NTM: variants seen among roughly 807,000 people sequenced by gnomAD.
The protein encoded by NTM is IgLON family member 2.
A neutral mutation model predicts 42.1 loss-of-function variants in NTM; 13 were observed. The observed-to-expected ratio is 0.31, with a 90% confidence interval of 0.20 to 0.49. The LOEUF is 0.49. Ranked by LOEUF, NTM falls within the 20% of genes least tolerant of loss-of-function variation. The pLI is 0.99. For synonymous variants in NTM, 187 were observed against 179.2 expected (o/e 1.04, Z -0.35); for missense variants, 373 against 452.8 (o/e 0.82, Z 1.60).
chr11:131,576,307 G>A lies in NTM; in HGVS notation c.82+205419G>A, dbSNP rs186667791. Among the ~76,000 whole-genome samples, 3 of 152,264 alleles carry A rather than the reference G, an allele frequency of 2.0e-5. No individual in the cohort carries two copies. The East Asian group carries it at 5.8e-4, about 29-fold the overall frequency. ...GAAACAGCAGGATGTGGATATTTGA[G>A]GGCTCTTCTTTCAAAAGAACCAGGA... On this transcript the variant is annotated intron_variant, in intron 1 of 8. Coordinates refer to ENST00000683400, the MANE Select transcript of NTM (RefSeq NM_001352005.2).
chr11:132,289,733 T>C (rs913903752), intron 4 of NTM, among the ~76,000 whole-genome samples: 2 of 152,020 alleles, frequency 1.3e-5, no homozygotes, highest in Admixed American at 1.3e-4. Context: ...TTTTTTAGAG[T>C]TTTAGATGTC....
In NTM at chr11:131,619,294, TA is replaced by T. The variant is rs537637333; in HGVS notation, c.82+248407del. Among the ~76,000 whole-genome samples the T allele has an allele frequency of 4.4e-3, 671 of 152,220 alleles. 4 individuals are homozygous for T. The highest frequency in any genetic ancestry group is 0.01 in the Middle Eastern group (3 of 294). On this transcript the variant is annotated intron_variant, in intron 1 of 8. Transcript: ENST00000683400. ...CCTTTCTCCTTGCACCATAAAATAA[TA>T]GGGGGAGGCAGCCAAGACTTGCCAG...
In NTM at chr11:132,335,181, C is replaced by A; in HGVS notation, c.*35C>A. The A allele has an allele frequency of 1.9e-6, 3 of 1,607,948 alleles. No individual in the cohort carries two copies. Among genetic ancestry groups the A allele is most frequent in the Non-Finnish European group, 1.7e-6 (2 of 1,178,820 alleles). ...CACTTCCCCACCCGGGAAAGGCTGC[C>A]GCCACCACCACCACCAACACAACAG... On this transcript the variant is annotated 3_prime_UTR_variant, in exon 9 of 9. Transcript: ENST00000683400.
intron 1 of NTM, among the ~76,000 whole-genome samples, chr11:131,883,124 T>C (rs912982642): frequency 1.3e-5 from 2 of 152,232 alleles, no homozygotes; most frequent in African/African-American, 4.8e-5. Context: ...ACCGTCCCCA[T>C]GAATGAGAAA....
chr11:132,226,161 G>A (rs550290121), intron 4 of NTM, among the ~76,000 whole-genome samples: 2 of 152,242 alleles, frequency 1.3e-5, no homozygotes, highest in African/African-American at 2.4e-5. Flanking sequence ...GAACAGTTCC[G>A]TAATAAACAT....
At chr11:131,930,721 A>G (rs1446484236) in intron 2 of NTM, among the ~76,000 whole-genome samples, 1 of 152,168 alleles carries the variant, frequency 6.6e-6, no homozygotes, top group Non-Finnish European at 1.5e-5. Flanking sequence ...CTTTTACCAA[A>G]TATATAATTA....
At chr11:131,930,699 C>G (rs934305131) in intron 2 of NTM, among the ~76,000 whole-genome samples, 22 of 152,160 alleles carry the variant, frequency 1.4e-4, no homozygotes, top group African/African-American at 5.3e-4. Context: ...TTATTTCCTC[C>G]TTTCCTTTAG....
In NTM at chr11:131,509,731, A is replaced by T. The variant is rs943396757; in HGVS notation, c.82+138843A>T. Among the ~76,000 whole-genome samples the T allele has an allele frequency of 2.0e-5, 3 of 152,348 alleles. No individual in the cohort carries two copies. The East Asian group carries it at 5.8e-4, about 29-fold the overall frequency. ...AGTGTCTTAGTCCATCCTTCCATTA[A>T]TCATGAGAGGAGGTTGGGATTCTAA... is the stretch of plus-strand genomic sequence containing the variant. On this transcript the variant is annotated intron_variant, in intron 1 of 8. Transcript: ENST00000683400.
rs147396182 is a variant in NTM, at chr11:131,961,294, C to T, written c.167+49646C>T. Among the ~76,000 whole-genome samples, 20 of 152,228 alleles carry T rather than the reference C, an allele frequency of 1.3e-4. No individual in the cohort carries two copies. The East Asian group carries it at 3.5e-3, about 26-fold the overall frequency. On this transcript the variant is annotated intron_variant, in intron 2 of 8. Coordinates refer to ENST00000683400, the MANE Select transcript of NTM (RefSeq NM_001352005.2). ...ATCCCTTTCTTGGATCAGCCACTTT[C>T]GGGGGCCAAAGCACCCTATTAAGGT... is the stretch of plus-strand genomic sequence containing the variant.
At position 131,597,547 on chromosome 11, in the gene NTM, C is replaced by T. The variant is rs545019429; in HGVS notation, c.82+226659C>T. 3.9e-5 allele frequency among the ~76,000 whole-genome samples: 6 copies of T among 152,288 alleles called. No homozygotes were observed. The East Asian group carries it at 5.8e-4, about 15-fold the overall frequency. On this transcript the variant is annotated intron_variant, in intron 1 of 8. Transcript: ENST00000683400. The stretch of plus-strand genomic sequence containing the variant: ...CCCGGACATATCAAGGCCTAAGGCG[C>T]GCAAGTTCCTGTTCCTATTTCTGCT...
chr11:131,453,282 G>C (rs1950616731), intron 1 of NTM, among the ~76,000 whole-genome samples: 1 of 152,174 alleles, frequency 6.6e-6, no homozygotes, highest in South Asian at 2.1e-4. Flanking sequence ...GTCTTCTGTA[G>C]AAAACTCAAC....
intron 1 of NTM, among the ~76,000 whole-genome samples, chr11:131,823,807 G>A (rs1312402174): frequency 6.6e-6 from 1 of 152,182 alleles, no homozygotes; most frequent in Non-Finnish European, 1.5e-5. Flanking sequence ...GAGCTAAGTG[G>A]ATTTCAATGG....
At chr11:131,822,780 T>G (rs935513401) in intron 1 of NTM, among the ~76,000 whole-genome samples, 2 of 152,202 alleles carry the variant, frequency 1.3e-5, no homozygotes, top group Non-Finnish European at 2.9e-5. Flanking sequence ...GGGGAACTTA[T>G]GAAAACAAAA....
intron 4 of NTM, among the ~76,000 whole-genome samples, chr11:132,228,042 C>A (rs1197715300): frequency 6.6e-6 from 1 of 152,142 alleles, no homozygotes; most frequent in Non-Finnish European, 1.5e-5. Context: ...AAAAAAGATG[C>A]CACAGCAGGA....
At chr11:131,427,394 T>C (rs538532552) in intron 1 of NTM, among the ~76,000 whole-genome samples, 18 of 152,258 alleles carry the variant, frequency 1.2e-4, no homozygotes, top group African/African-American at 3.9e-4. Context: ...GCTTCTCAGT[T>C]TACCTTCTCT....
intron 2 of NTM, among the ~76,000 whole-genome samples, chr11:132,046,163 AATAAG>A (rs1191861137): frequency 6.7e-6 from 1 of 150,282 alleles, no homozygotes; most frequent in African/African-American, 2.4e-5. Context: ...ATGAGGATTA[AATAAG>A]ATAAGTAAAG....
chr11:132,194,349 T>C (rs1180961991), intron 3 of NTM, among the ~76,000 whole-genome samples: 2 of 151,724 alleles, frequency 1.3e-5, no homozygotes, highest in African/African-American at 4.8e-5. Context: ...CTAAATAGAA[T>C]TAAAAAAAAC....
At chr11:131,495,371 T>C (rs568425581) in intron 1 of NTM, among the ~76,000 whole-genome samples, 1 of 152,358 alleles carries the variant, frequency 6.6e-6, no homozygotes, top group South Asian at 2.1e-4. Context: ...GCTTGCTCTG[T>C]TGAATGCACA....
At chr11:132,074,502 T>C (rs2058106979) in intron 2 of NTM, among the ~76,000 whole-genome samples, 1 of 152,122 alleles carries the variant, frequency 6.6e-6, no homozygotes, top group Non-Finnish European at 1.5e-5. Context: ...GATTTGAAGG[T>C]ACCATTGACA....
Sources: gnomAD v4.1 joint callset for allele counts (sites outside exome capture counted in the v4.1 genomes callset) on GRCh38, gnomAD v4.1.1 for gene constraint, MANE v1.5 for transcripts, NCBI Gene and HGNC (gene_info 2026-07-23, HGNC 2026-07-21) for gene names.